HMGCLL1: variants seen among roughly 807,000 people sequenced by gnomAD.
HMGCLL1 encodes 3-hydroxymethyl-3-methylglutaryl-CoA lyase, cytoplasmic.
A neutral mutation model predicts 39.1 loss-of-function variants in HMGCLL1; 36 were observed. That is an observed-to-expected ratio of 0.92 (90% CI 0.71 to 1.22). HMGCLL1 has a LOEUF of 1.22. Ranked by LOEUF, HMGCLL1 falls within the 50% of genes most tolerant of loss-of-function variation. The pLI is 0.00. For missense variants in HMGCLL1, 451 were observed against 416.5 expected (o/e 1.08, Z -0.72); for synonymous variants, 149 against 144.0 (o/e 1.03, Z -0.25).
chr6:55,654,006 G>A, the HMGCLL1 span, among the ~76,000 whole-genome samples: 6 of 151,998 alleles, frequency 3.9e-5, no homozygotes, highest in Non-Finnish European at 7.4e-5. Context: ...GTAGGAAAGA[G>A]GGCAGTATTT....
chr6:55,668,585 G>A, the HMGCLL1 span, among the ~76,000 whole-genome samples: 1 of 151,830 alleles, frequency 6.6e-6, no homozygotes, highest in Non-Finnish European at 1.5e-5. Context: ...ATAAAGAAAA[G>A]ATACCAGAAT....
At chr6:55,657,855 C>T in the HMGCLL1 span, among the ~76,000 whole-genome samples, 6 of 151,430 alleles carry the variant, frequency 4.0e-5, no homozygotes, top group Non-Finnish European at 5.9e-5. Context: ...GGAACCAAAA[C>T]ATGAGAACAC....
intron 1 of HMGCLL1, among the ~76,000 whole-genome samples, chr6:55,566,917 A>G (rs888952396): frequency 3.3e-5 from 5 of 152,118 alleles, no homozygotes; most frequent in African/African-American, 4.8e-5. Context: ...GCCAATCAGA[A>G]AGGCAGTTAA....
At chr6:55,585,494 G>C in the HMGCLL1 span, among the ~76,000 whole-genome samples, 2 of 151,930 alleles carry the variant, frequency 1.3e-5, no homozygotes, top group African/African-American at 4.8e-5. Flanking sequence ...AAATTTTGGT[G>C]GGTTATAATA....
chr6:55,534,809 C>G (rs1033682050), intron 3 of HMGCLL1, among the ~76,000 whole-genome samples: 8 of 152,086 alleles, frequency 5.3e-5, no homozygotes, highest in African/African-American at 1.9e-4. Flanking sequence ...ATTTGGTGTG[C>G]GGGTAATCGA....
At chr6:55,629,746 G>T in the HMGCLL1 span, among the ~76,000 whole-genome samples, 1 of 152,094 alleles carries the variant, frequency 6.6e-6, no homozygotes, top group South Asian at 2.1e-4. Flanking sequence ...GGCTGAAAGG[G>T]ACCAACATAG....
the HMGCLL1 span, among the ~76,000 whole-genome samples, chr6:55,614,502 T>C: frequency 2.6e-5 from 4 of 152,164 alleles, no homozygotes; most frequent in Admixed American, 2.6e-4. Context: ...TGGTATTTAG[T>C]TATAGCGGCC....
At chr6:55,553,537 T>C (rs2127466254) in intron 1 of HMGCLL1, among the ~76,000 whole-genome samples, 1 of 152,168 alleles carries the variant, frequency 6.6e-6, no homozygotes, top group Non-Finnish European at 1.5e-5. Flanking sequence ...TGAGAAAACA[T>C]GAGAAAATAA....
chr6:55,487,291 T>C (rs912712202), intron 7 of HMGCLL1, among the ~76,000 whole-genome samples: 5 of 152,068 alleles, frequency 3.3e-5, no homozygotes, highest in African/African-American at 1.2e-4. Context: ...ATTTTGTTGA[T>C]CTTGTTTGTT....
At chr6:55,525,207 TA>T (rs67504608) in intron 3 of HMGCLL1, among the ~76,000 whole-genome samples, 102,854 of 150,950 alleles carry the variant, frequency 0.68, 35,082 homozygotes, top group Admixed American at 0.72. Flanking sequence ...ATCAGAAAAC[TA>T]AAAAAAGAAT....
the HMGCLL1 span, among the ~76,000 whole-genome samples, chr6:55,618,171 G>T: frequency 4.6e-5 from 7 of 151,996 alleles, no homozygotes; most frequent in Non-Finnish European, 7.4e-5. Flanking sequence ...AAGGGAGGAT[G>T]TTATAATTGG....
intron 7 of HMGCLL1, among the ~76,000 whole-genome samples, chr6:55,470,704 A>G (rs1000674046): frequency 6.6e-6 from 1 of 151,840 alleles, no homozygotes; most frequent in African/African-American, 2.4e-5. Flanking sequence ...GAGACAGGGT[A>G]ATTCATAAAG....
chr6:55,520,029 A>G (rs1037843710), intron 3 of HMGCLL1, among the ~76,000 whole-genome samples: 2 of 146,662 alleles, frequency 1.4e-5, no homozygotes, highest in Non-Finnish European at 3.0e-5. Flanking sequence ...GTTCTCACTC[A>G]TAAGTGGGAG....
intron 7 of HMGCLL1, among the ~76,000 whole-genome samples, chr6:55,468,426 G>A (rs1764885441): frequency 6.6e-6 from 1 of 151,894 alleles, no homozygotes; most frequent in Non-Finnish European, 1.5e-5. Flanking sequence ...ATAATGAGAT[G>A]TGTCAACATC....
intron 7 of HMGCLL1, among the ~76,000 whole-genome samples, chr6:55,475,380 T>C (rs192253823): frequency 1.5e-3 from 224 of 151,726 alleles, no homozygotes; most frequent in African/African-American, 5.1e-3. Flanking sequence ...TTCTCACTTT[T>C]ATGCTTATCC....
chr6:55,660,367 C>T, the HMGCLL1 span, among the ~76,000 whole-genome samples: 1 of 151,830 alleles, frequency 6.6e-6, no homozygotes, highest in African/African-American at 2.4e-5. Flanking sequence ...TCTCCCTCCT[C>T]CCACCTTCCA....
intron 7 of HMGCLL1, among the ~76,000 whole-genome samples, chr6:55,475,078 T>C (rs931303471): frequency 6.6e-6 from 1 of 151,518 alleles, no homozygotes; most frequent in African/African-American, 2.4e-5. Context: ...CCCAAGTGTT[T>C]CTCCAGTGGT....
At chr6:55,622,689 A>G in the HMGCLL1 span, among the ~76,000 whole-genome samples, 2 of 152,116 alleles carry the variant, frequency 1.3e-5, no homozygotes, top group African/African-American at 4.8e-5. Context: ...TTTTACATCA[A>G]CGTTCATCAG....
the HMGCLL1 span, among the ~76,000 whole-genome samples, chr6:55,609,446 C>G: frequency 6.6e-6 from 1 of 152,176 alleles, no homozygotes; most frequent in Non-Finnish European, 1.5e-5. Flanking sequence ...AGGCCAGACC[C>G]TGACCCATTC....
Sources: gnomAD v4.1 joint callset for allele counts (sites outside exome capture counted in the v4.1 genomes callset) on GRCh38, gnomAD v4.1.1 for gene constraint, MANE v1.5 for transcripts, NCBI Gene and HGNC (gene_info 2026-07-23, HGNC 2026-07-21) for gene names.